The following BICD1 variants were observed in gnomAD, a reference collection of about 807,000 sequenced individuals.
BICD1 encodes the protein protein bicaudal D homolog 1.
A neutral mutation model predicts 92.5 loss-of-function variants in BICD1; 35 were observed. The ratio of observed to expected loss-of-function variants is 0.38; its 90% CI spans 0.29 to 0.50. BICD1 has a LOEUF of 0.50. Ranked by LOEUF, BICD1 falls within the 20% of genes least tolerant of loss-of-function variation. The pLI is 0.93. For missense variants in BICD1, 950 were observed against 1,189.8 expected, an observed-to-expected ratio of 0.80 and a Z score of 2.97; for synonymous variants, 429 against 465.1, an observed-to-expected ratio of 0.92 and a Z score of 1.00.
At chr12:32,107,692 A>T (rs1256717387) in intron 1 of BICD1, 148 bp downstream of exon 1, 1 of 927,882 alleles carries the variant, frequency 1.1e-6, no homozygotes, top group East Asian at 2.6e-5. Context: ...AGATTGAAAG[A>T]GTCCATTGTT....
Position 32,370,054 on chromosome 12 carries a change from C to G in BICD1, c.2840+2309C>G, listed in dbSNP as rs1014899977. Among the ~76,000 whole-genome samples, 3 of 152,252 alleles carry G rather than the reference C, an allele frequency of 2.0e-5. No homozygotes were observed. The East Asian group carries it at 5.8e-4, about 29-fold the overall frequency. On this transcript the variant is annotated intron_variant, in intron 9 of 9. Coordinates refer to ENST00000652176, the MANE Select transcript of BICD1 (RefSeq NM_001714.4). ...GTTTTTCGCTAATGCCATTTTACAA[C>G]AGCACTAATTTCGGTTAGAAATAAT...
rs1940087999 is a variant in BICD1 at position 32,378,894 on chromosome 12, CTTGAT to C, written c.*1270_*1274del. 6.6e-6 allele frequency: 1 copy of C among 152,088 alleles called. No individual in the cohort carries two copies. The highest frequency in any genetic ancestry group is 2.4e-5 in the African/African-American group (1 of 41,424). The allele number at this position is 152,088 out of a possible 1,614,324, so 9.4% of individuals were successfully genotyped here. Reference sequence around the variant, plus strand: ...AGATTCTGCTGGGTAACTTTTATGACTTGATTTAAGGCAGTGGATTTTCATAGCAA... The same window carrying C: ...AGATTCTGCTGGGTAACTTTTATGACTTAAGGCAGTGGATTTTCATAGCAA... On this transcript the variant is annotated 3_prime_UTR_variant, in exon 10 of 10. Transcript: ENST00000652176.
At chr12:32,142,138 G>T (rs1229434939) in intron 1 of BICD1, among the ~76,000 whole-genome samples, 1 of 152,036 alleles carries the variant, frequency 6.6e-6, no homozygotes, top group Non-Finnish European at 1.5e-5. Context: ...TGGCGTGATG[G>T]CTCAGGCCTG....
chr12:32,235,702 C>CTTTTT (rs112596407), intron 2 of BICD1, among the ~76,000 whole-genome samples: 2 of 135,060 alleles, frequency 1.5e-5, no homozygotes, highest in African/African-American at 2.6e-5. Flanking sequence ...TTTTTCTTTT[C>CTTTTT]TTTTTTTTTT....
chr12:32,304,125 G>C (rs1364172800), intron 3 of BICD1, among the ~76,000 whole-genome samples: 1 of 151,954 alleles, frequency 6.6e-6, no homozygotes, highest in African/African-American at 2.4e-5. Flanking sequence ...CTCTTGCTTA[G>C]GTGTCTGTTA....
At chr12:32,315,871 C>T (rs1199412510) in intron 4 of BICD1, among the ~76,000 whole-genome samples, 2 of 151,992 alleles carry the variant, frequency 1.3e-5, no homozygotes, top group Non-Finnish European at 2.9e-5. Context: ...CGTGGTGGCT[C>T]ATGCTTGTAA....
At position 32,270,119 on chromosome 12, in the gene BICD1, T is replaced by TAA. The variant is rs34843444; in HGVS notation, c.427-23859_427-23858dup. Reference sequence around the variant, plus strand: ...CTGAGCGACAAAGCCAGACTCCCTCTAAAAAAAAAAAAAAAAATTATTATT... The same window carrying TAA: ...CTGAGCGACAAAGCCAGACTCCCTCTAAAAAAAAAAAAAAAAAAATTATTATT... On this transcript the variant is annotated intron_variant, in intron 2 of 9. Transcript: ENST00000652176. Among the ~76,000 whole-genome samples the TAA allele has an allele frequency of 3.3e-4, 43 of 129,088 alleles. 2 individuals are homozygous for TAA. Among genetic ancestry groups the TAA allele is most frequent in the African/African-American group, 1.2e-3 (39 of 31,554 alleles). 84.7% of individuals were successfully genotyped at this position (129,088 alleles called of 152,430 possible). A position where few individuals can be genotyped will look rare whatever the true frequency, so the allele number is the denominator to read the frequency against.
chr12:32,325,849 G>C (rs1489330533), intron 4 of BICD1, among the ~76,000 whole-genome samples: 1 of 151,910 alleles, frequency 6.6e-6, no homozygotes, highest in Non-Finnish European at 1.5e-5. Context: ...TTGGGAGGCC[G>C]AGGTGGGCGG....
chr12:32,305,015 C>T (rs1948173896), intron 3 of BICD1, among the ~76,000 whole-genome samples: 1 of 150,820 alleles, frequency 6.6e-6, no homozygotes, highest in Admixed American at 6.6e-5. Context: ...GAGCGAGACC[C>T]TCTCTCAAAA....
chr12:32,202,367 GA>G (rs1944930704), intron 1 of BICD1, among the ~76,000 whole-genome samples: 2 of 152,162 alleles, frequency 1.3e-5, no homozygotes, highest in Admixed American at 6.5e-5. Context: ...GGGTAGGTGA[GA>G]AAAGGTAATC....
At chr12:32,368,050 G>T in intron 9 of BICD1, 4 of 267,998 alleles carry the variant, frequency 1.5e-5, no homozygotes, top group South Asian at 1.1e-4. Context: ...AATAAAAGCT[G>T]GAATTGTTAT....
chr12:32,107,609 C>A, intron 1 of BICD1, 65 bp downstream of exon 1: 1 of 1,484,168 alleles, frequency 6.7e-7, no homozygotes, highest in Non-Finnish European at 9.1e-7. Flanking sequence ...GCCCACTCAT[C>A]ATGATCAAGA....
At chr12:32,201,338 G>C (rs956900510) in intron 1 of BICD1, among the ~76,000 whole-genome samples, 8 of 152,120 alleles carry the variant, frequency 5.3e-5, no homozygotes, top group Non-Finnish European at 1.2e-4. Context: ...TCCTTTAAAA[G>C]GATAGACGTG....
chr12:32,116,255 A>T (rs998489471), intron 1 of BICD1, among the ~76,000 whole-genome samples: 1 of 151,890 alleles, frequency 6.6e-6, no homozygotes, highest in Non-Finnish European at 1.5e-5. Flanking sequence ...TTACATTTCA[A>T]ATTCATTCAA....
At chr12:32,291,653 C>T (rs1403533118) in intron 2 of BICD1, among the ~76,000 whole-genome samples, 1 of 151,836 alleles carries the variant, frequency 6.6e-6, no homozygotes, top group Non-Finnish European at 1.5e-5. Context: ...GCCTGGGCAA[C>T]ATAGTGAAAT....
chr12:32,137,883 C>T (rs762560248), intron 1 of BICD1, among the ~76,000 whole-genome samples: 38 of 152,000 alleles, frequency 2.5e-4, no homozygotes, highest in Non-Finnish European at 4.0e-4. Flanking sequence ...CTGCAACCTC[C>T]GCCTCCCAGG....
intron 2 of BICD1, among the ~76,000 whole-genome samples, chr12:32,262,587 T>C (rs867055053): frequency 6.6e-6 from 1 of 152,196 alleles, no homozygotes; most frequent in African/African-American, 2.4e-5. Context: ...GCCAATGTAA[T>C]TAAGATAAGG....
At chr12:32,332,226 T>C (rs1404717255) in intron 5 of BICD1, among the ~76,000 whole-genome samples, 16 of 152,074 alleles carry the variant, frequency 1.1e-4, no homozygotes. Flanking sequence ...TGTTGGAGGC[T>C]GAAGGATGAG....
intron 1 of BICD1, among the ~76,000 whole-genome samples, chr12:32,137,417 AT>A (rs1462083071): frequency 1.3e-5 from 2 of 152,106 alleles, no homozygotes; most frequent in East Asian, 3.9e-4. Flanking sequence ...TAAGCAAATT[AT>A]TTTGCTTTTG....
Sources: allele counts gnomAD v4.1 joint callset (sites outside exome capture counted in the v4.1 genomes callset), GRCh38; gene constraint gnomAD v4.1.1; transcripts MANE v1.5; gene names NCBI Gene and HGNC (gene_info 2026-07-23, HGNC 2026-07-21).